The following ATP8A2 variants were observed in gnomAD, a reference collection of about 807,000 sequenced individuals.
ATP8A2 encodes the protein phospholipid-transporting ATPase IB.
ATP8A2 carries 100 observed loss-of-function variants against 165.6 expected under a neutral mutation model. The observed-to-expected ratio is 0.60, with a 90% confidence interval of 0.51 to 0.71. ATP8A2 has a LOEUF of 0.71. Ranked by LOEUF, ATP8A2 falls within the 30% of genes least tolerant of loss-of-function variation. ATP8A2 has a pLI of 0.00. For missense variants in ATP8A2, 1,227 were observed against 1,479.5 expected, an observed-to-expected ratio of 0.83 and a Z score of 2.80; for synonymous variants, 543 against 548.8, an observed-to-expected ratio of 0.99 and a Z score of 0.15.
At chr13:25,490,447 A>G (rs2036491299) in intron 2 of ATP8A2, among the ~76,000 whole-genome samples, 2 of 152,236 alleles carry the variant, frequency 1.3e-5, no homozygotes, top group African/African-American at 4.8e-5. Context: ...AGCCAGTCCC[A>G]GCTGGCATCT....
At position 25,378,922 on chromosome 13, in the gene ATP8A2, G is replaced by A. The variant is rs114426489; in HGVS notation, c.76+6634G>A. 8.2e-3 allele frequency among the ~76,000 whole-genome samples: 1,253 copies of A among 152,136 alleles called. 20 individuals carry two copies. Among genetic ancestry groups the A allele is most frequent in the African/African-American group, 0.029 (1,189 of 41,494 alleles). The stretch of plus-strand genomic sequence containing the variant: ...AGTGTTTTTCGCATATTTTTCTTAC[G>A]GATCCTCACACCATCCCTCTGAGAA... On this transcript the variant is annotated intron_variant, in intron 1 of 36. Transcript: ENST00000381655.
chr13:25,418,746 G>A (rs1211070711), intron 1 of ATP8A2, among the ~76,000 whole-genome samples: 1 of 152,154 alleles, frequency 6.6e-6, no homozygotes, highest in East Asian at 1.9e-4. Context: ...GCAGAGCTCA[G>A]ACAATGAAAT....
rs1302917636 is a variant in ATP8A2, at chr13:25,968,682, G to A, written c.3377+3G>A. 3.7e-6 allele frequency: 6 copies of A among 1,610,454 alleles called. No homozygotes were observed. The highest frequency in any genetic ancestry group is 1.3e-5 in the African/African-American group (1 of 74,990). ...CTGCGGGATAGCAATGGAAAGAGGT[G>A]GGGAACTCCGTCCCAGTCCGCACAG... On this transcript the variant is annotated splice_donor_region_variant and intron_variant, in intron 35 of 36. Coordinates refer to ENST00000381655, the MANE Select transcript of ATP8A2 (RefSeq NM_016529.6).
chr13:25,796,447 G>A (rs1400828197), intron 27 of ATP8A2, among the ~76,000 whole-genome samples: 1 of 152,186 alleles, frequency 6.6e-6, no homozygotes, highest in Non-Finnish European at 1.5e-5. Flanking sequence ...CATAGGGGCC[G>A]TGAGTACTGG....
At chr13:25,969,831 T>C (rs1955873212) in intron 35 of ATP8A2, among the ~76,000 whole-genome samples, 1 of 152,200 alleles carries the variant, frequency 6.6e-6, no homozygotes, top group Non-Finnish European at 1.5e-5. Context: ...AAGCTTAAGT[T>C]TGTGAATACA....
chr13:25,948,951 G>T (rs1425876645), intron 33 of ATP8A2, among the ~76,000 whole-genome samples: 1 of 152,240 alleles, frequency 6.6e-6, no homozygotes, highest in Admixed American at 6.5e-5. Flanking sequence ...GGAAGCTTTA[G>T]CTCCTTGGCC....
At chr13:25,742,341 GC>G (rs1424862813) in intron 25 of ATP8A2, among the ~76,000 whole-genome samples, 3 of 151,782 alleles carry the variant, frequency 2.0e-5, no homozygotes, top group Admixed American at 6.6e-5. Flanking sequence ...GCTTTCATGT[GC>G]ATATGAGGCA....
chr13:25,919,984 C>A (rs114125787), intron 33 of ATP8A2, among the ~76,000 whole-genome samples: 1 of 152,092 alleles, frequency 6.6e-6, no homozygotes, highest in Non-Finnish European at 1.5e-5. Flanking sequence ...ACAGGGGTCT[C>A]GCTATGTCGT....
At chr13:25,980,086 G>C (rs1956145594) in intron 35 of ATP8A2, among the ~76,000 whole-genome samples, 1 of 152,200 alleles carries the variant, frequency 6.6e-6, no homozygotes, top group South Asian at 2.1e-4. Context: ...TGGAAGAAAA[G>C]GGGGTAATTT....
chr13:25,418,077 C>G (rs1001243016), intron 1 of ATP8A2, among the ~76,000 whole-genome samples: 14 of 152,288 alleles, frequency 9.2e-5, no homozygotes, highest in African/African-American at 3.1e-4. Flanking sequence ...ACTCTCTCAA[C>G]CCGCCTATTC....
chr13:25,531,433 TTATATA>T (rs375462301), intron 4 of ATP8A2, among the ~76,000 whole-genome samples: 1 of 34,508 alleles, frequency 2.9e-5, no homozygotes, highest in South Asian at 5.7e-4. Context: ...ATATATATGA[TTATATA>T]TATGATTATA....
chr13:25,629,288 G>C (rs1437692802), intron 24 of ATP8A2, among the ~76,000 whole-genome samples: 1 of 152,098 alleles, frequency 6.6e-6, no homozygotes, highest in African/African-American at 2.4e-5. Context: ...AGAAGCAATA[G>C]AATAGCAAAT....
chr13:25,486,948 G>C (rs1298325129), intron 2 of ATP8A2, among the ~76,000 whole-genome samples: 1 of 152,086 alleles, frequency 6.6e-6, no homozygotes, highest in African/African-American at 2.4e-5. Context: ...CCTGGGTGAC[G>C]GAGGAAAACC....
chr13:25,675,345 T>C (rs927036355), intron 24 of ATP8A2, among the ~76,000 whole-genome samples: 1 of 152,200 alleles, frequency 6.6e-6, no homozygotes, highest in African/African-American at 2.4e-5. Context: ...CATTCTTCCT[T>C]TCCAGAGGGC....
In ATP8A2 at chr13:25,538,054, T is replaced by G. The variant is rs749550682; in HGVS notation, c.574T>G (p.Ser192Ala). Residue 192 changes from serine (S) to alanine (A), a missense_variant, in exon 7 of 37, where the codon TCA becomes GCA. This residue lies in a region of ATP8A2 where 356 missense variants were observed against 394.9 expected (regional missense o/e 0.90). Transcript: ENST00000381655. Reference protein sequence around the residue: ...QYLPADVVLLSSSEPQAMCYV... With the variant: ...QYLPADVVLLASSEPQAMCYV... ...TCTTCCAGCAGATGTGGTCCTGCTG[T>G]CATCCAGGTTAGCTGTGCTAGTAGG... 6 of 1,613,370 alleles carry G rather than the reference T, an allele frequency of 3.7e-6. No homozygotes were observed. The highest frequency in any genetic ancestry group is 4.2e-6 in the Non-Finnish European group (5 of 1,179,478).
chr13:25,801,408 G>A (rs948699121), intron 27 of ATP8A2, among the ~76,000 whole-genome samples: 6 of 152,258 alleles, frequency 3.9e-5, no homozygotes, highest in African/African-American at 1.4e-4. Flanking sequence ...TGGCCCGCTG[G>A]CCAAACACAT....
Position 25,759,224 on chromosome 13 carries a change from G to T in ATP8A2, c.2385-9822G>T, listed in dbSNP as rs150872699. ...CCAGAGTGCAGGAAGTTACAGTTTG[G>T]TGTAGATATGGGATTGGTAATCAGA... On this transcript the variant is annotated intron_variant, in intron 25 of 36. Transcript: ENST00000381655. Among the ~76,000 whole-genome samples the T allele has an allele frequency of 5.6e-3, 847 of 152,266 alleles. 9 individuals carry two copies. The highest frequency in any genetic ancestry group is 9.5e-3 in the Non-Finnish European group (645 of 68,010).
intron 30 of ATP8A2, among the ~76,000 whole-genome samples, chr13:25,850,362 T>C (rs1951974875): frequency 6.6e-6 from 1 of 152,148 alleles, no homozygotes; most frequent in Non-Finnish European, 1.5e-5. Flanking sequence ...TGACCCCTGC[T>C]GACCTCACCG....
chr13:25,419,965 G>T (rs7317277), intron 1 of ATP8A2, among the ~76,000 whole-genome samples: 31,530 of 152,128 alleles, frequency 0.21, 3,549 homozygotes, highest in Middle Eastern at 0.26. Flanking sequence ...AATTGAGGCA[G>T]GTGGGTGAAT....
Sources: allele counts gnomAD v4.1 joint callset (sites outside exome capture counted in the v4.1 genomes callset), GRCh38; gene constraint gnomAD v4.1.1; regional missense constraint gnomAD v4.1.1; transcripts MANE v1.5; gene names NCBI Gene and HGNC (gene_info 2026-07-23, HGNC 2026-07-21).